CFAP210: variants seen among roughly 807,000 people sequenced by gnomAD.
CFAP210 encodes the protein cilia and flagella associated protein 210.
chr2:169,681,013 T>C, the CFAP210 span: 4 of 1,609,946 alleles, frequency 2.5e-6, no homozygotes, highest in Non-Finnish European at 3.4e-6. Context: ...TTACTGCATA[T>C]GTATTAGTCC....
the CFAP210 span, among the ~76,000 whole-genome samples, chr2:169,680,799 A>G: frequency 6.6e-6 from 1 of 152,208 alleles, no homozygotes; most frequent in Non-Finnish European, 1.5e-5. Flanking sequence ...TGGGGTTTAT[A>G]CATATGTCAA....
chr2:169,660,884 T>C, the CFAP210 span: 162 of 362,928 alleles, frequency 4.5e-4, no homozygotes, highest in Middle Eastern at 6.9e-3. Flanking sequence ...ATTATAGGCA[T>C]GAGCCACTAC....
the CFAP210 span, among the ~76,000 whole-genome samples, chr2:169,648,772 G>C: frequency 2.0e-5 from 3 of 152,130 alleles, no homozygotes; most frequent in African/African-American, 7.2e-5. Flanking sequence ...ACAGGTTTTA[G>C]TTACAAATGA....
chr2:169,646,676 TA>T, the CFAP210 span, among the ~76,000 whole-genome samples: 3 of 152,224 alleles, frequency 2.0e-5, no homozygotes, highest in Non-Finnish European at 1.5e-5. Context: ...CCCGAAAATT[TA>T]AAATTGGAAC....
the CFAP210 span, chr2:169,694,292 T>G: frequency 6.2e-7 from 1 of 1,613,972 alleles, no homozygotes. Flanking sequence ...CACAGCGCCG[T>G]CCAAACCGTA....
chr2:169,675,218 G>A, the CFAP210 span, among the ~76,000 whole-genome samples: 8 of 152,242 alleles, frequency 5.3e-5, no homozygotes, highest in African/African-American at 1.9e-4. Context: ...TTTTTAGGTA[G>A]ATAACACATT....
the CFAP210 span, chr2:169,650,565 G>A: frequency 2.2e-6 from 3 of 1,387,068 alleles, no homozygotes; most frequent in Non-Finnish European, 2.8e-6. Flanking sequence ...ATGAACACAT[G>A]TCCAATGGAG....
At chr2:169,657,445 C>A in the CFAP210 span, among the ~76,000 whole-genome samples, 1 of 152,172 alleles carries the variant, frequency 6.6e-6, no homozygotes, top group Admixed American at 6.5e-5. Flanking sequence ...TGGCTGGGCA[C>A]AGTGGCTCAT....
chr2:169,650,620 T>TA, the CFAP210 span: 5 of 1,346,684 alleles, frequency 3.7e-6, no homozygotes, highest in Non-Finnish European at 4.8e-6. Flanking sequence ...TGCAGTCTCT[T>TA]ACAAAACTAA....
chr2:169,683,028 C>T, the CFAP210 span, among the ~76,000 whole-genome samples: 61,901 of 151,762 alleles, frequency 0.41, 12,901 homozygotes, highest in Non-Finnish European at 0.44. Flanking sequence ...GCAAGAAAAT[C>T]ACGTGGTTCC....
At chr2:169,662,403 C>T in the CFAP210 span, 1 of 1,599,124 alleles carries the variant, frequency 6.3e-7, no homozygotes, top group Admixed American at 1.7e-5. Context: ...CATATTTTTT[C>T]CTTCTTTCCT....
the CFAP210 span, among the ~76,000 whole-genome samples, chr2:169,670,308 G>A: frequency 1.8e-3 from 279 of 152,074 alleles, no homozygotes; most frequent in African/African-American, 6.0e-3. Context: ...TCTTATCGCC[G>A]TCACACCCAC....
chr2:169,654,039 A>G, the CFAP210 span: 3 of 1,547,008 alleles, frequency 1.9e-6, no homozygotes, highest in Non-Finnish European at 2.6e-6. Context: ...TAATAATTTC[A>G]GATAGTACTT....
At chr2:169,680,357 A>C in the CFAP210 span, among the ~76,000 whole-genome samples, 21 of 152,248 alleles carry the variant, frequency 1.4e-4, no homozygotes, top group Admixed American at 3.9e-4. Context: ...TTTCTTACAA[A>C]GTTAAATATA....
At chr2:169,651,406 A>T in the CFAP210 span, among the ~76,000 whole-genome samples, 4 of 150,676 alleles carry the variant, frequency 2.7e-5, no homozygotes, top group Non-Finnish European at 3.0e-5. Flanking sequence ...AAGAAAAAAA[A>T]TTTTTTTTGA....
chr2:169,674,980 T>C, the CFAP210 span: 1 of 1,549,092 alleles, frequency 6.5e-7, no homozygotes. Context: ...AGAATTTGTC[T>C]TTCTGCCTCT....
the CFAP210 span, chr2:169,681,379 A>T: frequency 1.4e-6 from 1 of 708,018 alleles, no homozygotes; most frequent in Non-Finnish European, 2.4e-6. Flanking sequence ...AGCTATGATT[A>T]AGTGAAAAAA....
At chr2:169,670,210 TTAAG>T in the CFAP210 span, among the ~76,000 whole-genome samples, 1 of 152,150 alleles carries the variant, frequency 6.6e-6, no homozygotes. Context: ...AGCTACGGTG[TTAAG>T]TTTCTTTTTA....
chr2:169,668,064 T>C, the CFAP210 span, among the ~76,000 whole-genome samples: 2 of 152,218 alleles, frequency 1.3e-5, no homozygotes, highest in Non-Finnish European at 1.5e-5. Flanking sequence ...ACACTGGAAA[T>C]CTGTTGTTTA....
Sources: allele counts gnomAD v4.1 joint callset (sites outside exome capture counted in the v4.1 genomes callset), GRCh38; gene constraint gnomAD v4.1.1; transcripts MANE v1.5; gene names NCBI Gene and HGNC (gene_info 2026-07-23, HGNC 2026-07-21).